SHC3: variants seen among roughly 807,000 people sequenced by gnomAD.
SHC3 encodes the protein SHC adaptor protein 3, also known as SHC-transforming protein 3.
A neutral mutation model predicts 60.4 loss-of-function variants in SHC3; 15 were observed. The observed-to-expected ratio is 0.25, with a 90% CI of 0.17 to 0.38. The LOEUF is 0.38. SHC3 is among the 10% of genes least tolerant of loss of function. The pLI is 1.00. For missense variants in SHC3, 677 were observed against 786.1 expected, an observed-to-expected ratio of 0.86 and a Z score of 1.66; for synonymous variants, 294 against 325.9, an observed-to-expected ratio of 0.90 and a Z score of 1.05.
chr9:89,017,278 C>A (rs9410443), intron 11 of SHC3, among the ~76,000 whole-genome samples: 1 of 152,250 alleles, frequency 6.6e-6, no homozygotes, highest in African/African-American at 2.4e-5. Flanking sequence ...CAAAACAGCA[C>A]GGTACTAGTA....
intron 1 of SHC3, among the ~76,000 whole-genome samples, chr9:89,113,330 T>C (rs373845922): frequency 6.6e-6 from 1 of 152,164 alleles, no homozygotes; most frequent in East Asian, 1.9e-4. Context: ...ATAGTTATGT[T>C]CCAAAGCCTT....
chr9:89,171,815 G>T (rs186021269), intron 1 of SHC3, among the ~76,000 whole-genome samples: 5 of 152,278 alleles, frequency 3.3e-5, no homozygotes, highest in Admixed American at 3.3e-4. Flanking sequence ...AGGCACCTGG[G>T]CTCATGGCTA....
intron 9 of SHC3, among the ~76,000 whole-genome samples, chr9:89,044,243 T>C (rs1824736854): frequency 6.6e-6 from 1 of 152,184 alleles, no homozygotes; most frequent in South Asian, 2.1e-4. Flanking sequence ...AAATAGCCCA[T>C]AATGAAAATG....
intron 6 of SHC3, among the ~76,000 whole-genome samples, chr9:89,055,371 G>A (rs1290656329): frequency 1.3e-5 from 2 of 152,232 alleles, no homozygotes; most frequent in Non-Finnish European, 2.9e-5. Context: ...ATCTAAGCAC[G>A]CTCTCAACAC....
At chr9:89,136,594 C>G (rs1455598199) in intron 1 of SHC3, among the ~76,000 whole-genome samples, 1 of 152,180 alleles carries the variant, frequency 6.6e-6, no homozygotes, top group Non-Finnish European at 1.5e-5. Context: ...CCAGAAAGCT[C>G]ATGAATAATC....
intron 11 of SHC3, among the ~76,000 whole-genome samples, chr9:89,035,674 C>T (rs1420691544): frequency 1.3e-5 from 2 of 151,736 alleles, no homozygotes; most frequent in African/African-American, 4.8e-5. Context: ...TGTTGAGCCT[C>T]GGCCAGGTGT....
intron 7 of SHC3, among the ~76,000 whole-genome samples, chr9:89,051,076 T>G (rs1428019914): frequency 6.6e-6 from 1 of 152,178 alleles, no homozygotes; most frequent in Non-Finnish European, 1.5e-5. Context: ...AAAAGTCTCT[T>G]TGAAGAACGG....
rs541845603 is a variant in SHC3, at chr9:89,007,463, C to G, written c.*5984G>C. 3.9e-5 allele frequency: 6 copies of G among 152,418 alleles called. No homozygotes were observed. In the East Asian group the frequency reaches 1.2e-3, roughly 29 times the overall value. The allele number at this position is 152,418 out of a possible 1,614,324, so 9.4% of individuals were successfully genotyped here. A position where few individuals can be genotyped will look rare whatever the true frequency, so the allele number is the denominator to read the frequency against. ...CTCAGGCAGAGGCCTCATACATTCA[C>G]TTCTCTATCCCACCATCCCAGTACA... On this transcript the variant is annotated 3_prime_UTR_variant, in exon 12 of 12. Coordinates refer to ENST00000375835, the MANE Select transcript of SHC3 (RefSeq NM_016848.6).
intron 1 of SHC3, among the ~76,000 whole-genome samples, chr9:89,165,240 A>G (rs565253534): frequency 4.6e-5 from 7 of 151,222 alleles, no homozygotes; most frequent in African/African-American, 1.7e-4. Flanking sequence ...AGATGAAAGA[A>G]AGAAAAGAAA....
At chr9:89,129,051 G>C (rs1826204697) in intron 1 of SHC3, among the ~76,000 whole-genome samples, 1 of 152,150 alleles carries the variant, frequency 6.6e-6, no homozygotes, top group South Asian at 2.1e-4. Context: ...ACAGTGTAGA[G>C]AAGACCTTAA....
intron 1 of SHC3, among the ~76,000 whole-genome samples, chr9:89,126,692 T>C (rs1479464219): frequency 6.6e-6 from 1 of 152,196 alleles, no homozygotes; most frequent in African/African-American, 2.4e-5. Context: ...TCCCTTTTTT[T>C]CTTTCTGTGC....
At chr9:89,066,998 G>C (rs1025466937) in intron 5 of SHC3, among the ~76,000 whole-genome samples, 1 of 152,180 alleles carries the variant, frequency 6.6e-6, no homozygotes, top group Admixed American at 6.5e-5. Flanking sequence ...TCTTCCAGCA[G>C]CTCTTGAGAC....
At chr9:89,086,308 C>T (rs2118040102) in intron 2 of SHC3, among the ~76,000 whole-genome samples, 1 of 152,342 alleles carries the variant, frequency 6.6e-6, no homozygotes, top group South Asian at 2.1e-4. Flanking sequence ...TATTTTACCT[C>T]TCCTTCTGAC....
chr9:89,032,075 G>A (rs887836836), intron 11 of SHC3, among the ~76,000 whole-genome samples: 2 of 152,158 alleles, frequency 1.3e-5, no homozygotes, highest in South Asian at 2.1e-4. Context: ...AAGGACCTGC[G>A]GGAACTGGAG....
In SHC3 at chr9:89,009,962, TC is replaced by T. The variant is rs916095662; in HGVS notation, c.*3484del. The T allele has an allele frequency of 6.6e-6, 1 of 152,236 alleles. No individual in the cohort carries two copies. The highest frequency in any genetic ancestry group is 1.5e-5 in the Non-Finnish European group (1 of 68,064). The allele number at this position is 152,236 out of a possible 1,614,324, so 9.4% of individuals were successfully genotyped here. A position where few individuals can be genotyped will look rare whatever the true frequency, so the allele number is the denominator to read the frequency against. On this transcript the variant is annotated 3_prime_UTR_variant, in exon 12 of 12. Transcript: ENST00000375835. ...TGGGCTGGACACACATGTCCACTGT[TC>T]CCCTGGCACATGGGCCCTTTAGGGT...
chr9:89,178,125 C>A lies in SHC3; in HGVS notation c.336G>T (p.Ala112=). 8.5e-6 allele frequency: 10 copies of A among 1,171,046 alleles called. No individual in the cohort carries two copies. Among genetic ancestry groups the A allele is most frequent in the Non-Finnish European group, 1.1e-5 (10 of 949,614 alleles). 72.5% of individuals were successfully genotyped at this position (1,171,046 alleles called of 1,614,324 possible). A position where few individuals can be genotyped will look rare whatever the true frequency, so the allele number is the denominator to read the frequency against. ...TGGCCGGGGCGCGGGGCGCCGAGGG[C>A]GCACTGCCGTCCGGGGCGGCCAGGC... is the stretch of plus-strand genomic sequence containing the variant. ...APSLAAPDGS[A]PSAPRAPAMS... The change falls in exon 1 of 12, where the codon GCG becomes GCT. Residue 112 remains alanine, a synonymous_variant. Transcript: ENST00000375835. This position sits in a 1 kb window ranked among gnomAD's most constrained non-coding sequence, Gnocchi z 6.9.
intron 1 of SHC3, among the ~76,000 whole-genome samples, chr9:89,161,331 C>T (rs1265948968): frequency 2.0e-5 from 3 of 152,160 alleles, no homozygotes; most frequent in Non-Finnish European, 2.9e-5. Context: ...CTCTCTTGCT[C>T]CCGCTTCTGC....
intron 2 of SHC3, among the ~76,000 whole-genome samples, chr9:89,107,928 C>T (rs1441884285): frequency 6.6e-6 from 1 of 152,206 alleles, no homozygotes; most frequent in Non-Finnish European, 1.5e-5. Context: ...ACATGTACCA[C>T]ATAAACATTT....
At chr9:89,137,445 C>A (rs905812337) in intron 1 of SHC3, among the ~76,000 whole-genome samples, 5 of 152,014 alleles carry the variant, frequency 3.3e-5, no homozygotes, top group Admixed American at 2.6e-4. Flanking sequence ...TTAGGACATC[C>A]AAAAAATCCC....
Sources: gnomAD v4.1 joint callset for allele counts (sites outside exome capture counted in the v4.1 genomes callset) on GRCh38, gnomAD v4.1.1 for gene constraint, Gnocchi (gnomAD v3.1) non-coding constraint, MANE v1.5 for transcripts, NCBI Gene and HGNC (gene_info 2026-07-23, HGNC 2026-07-21) for gene names.